Variants in PHF24 observed in about 807,000 individuals in gnomAD.
PHF24 encodes the protein PHD finger protein 24.
Under a neutral mutation model 42.6 loss-of-function variants are expected in PHF24, and 25 were observed. That is an observed-to-expected ratio of 0.59 (90% CI 0.43 to 0.82). The LOEUF is 0.82. PHF24 is among the 40% of genes least tolerant of loss of function. PHF24 has a pLI of 0.00. For missense variants in PHF24, 470 were observed against 538.1 expected (o/e 0.87, Z 1.25); for synonymous variants, 185 against 204.8 (o/e 0.90, Z 0.83).
chr9:34,790,825 G>A, the PHF24 span, among the ~76,000 whole-genome samples: 1 of 152,238 alleles, frequency 6.6e-6, no homozygotes, highest in African/African-American at 2.4e-5. Flanking sequence ...GAGGGAGAGA[G>A]CAATGCCAGT....
chr9:34,773,828 TC>T, the PHF24 span, among the ~76,000 whole-genome samples: 2 of 152,048 alleles, frequency 1.3e-5, no homozygotes, highest in Non-Finnish European at 2.9e-5. Flanking sequence ...ACAAGGAATA[TC>T]TAATAAACTG....
At chr9:34,965,987 A>C (rs934316981) in intron 1 of PHF24, among the ~76,000 whole-genome samples, 1 of 152,136 alleles carries the variant, frequency 6.6e-6, no homozygotes, top group Non-Finnish European at 1.5e-5. Context: ...CTGTTCCCTA[A>C]AACTTGTGAT....
At chr9:34,757,921 G>T in the PHF24 span, among the ~76,000 whole-genome samples, 3 of 152,138 alleles carry the variant, frequency 2.0e-5, no homozygotes, top group African/African-American at 7.2e-5. Flanking sequence ...ATGTGTGGTT[G>T]CTCAGTCTGC....
At chr9:34,710,075 TAG>T in the PHF24 span, 1 of 1,612,912 alleles carries the variant, frequency 6.2e-7, no homozygotes, top group Non-Finnish European at 8.5e-7. Flanking sequence ...ATGTCTGTGG[TAG>T]AGGGTGAGTA....
intron 7 of PHF24, 67 bp from the exon 8 acceptor site, chr9:34,977,947 GC>G: frequency 8.2e-7 from 1 of 1,224,262 alleles, no homozygotes; most frequent in Non-Finnish European, 1.2e-6. Context: ...AAGCCATGCT[GC>G]CCCTGGGATC....
the PHF24 span, among the ~76,000 whole-genome samples, chr9:34,818,701 T>C: frequency 6.6e-6 from 1 of 152,216 alleles, no homozygotes; most frequent in Admixed American, 6.5e-5. Flanking sequence ...GGCTCATTTC[T>C]GTAATCTCAG....
the PHF24 span, chr9:34,917,220 G>GGATA: frequency 7.0e-7 from 1 of 1,419,758 alleles, no homozygotes; most frequent in Non-Finnish European, 9.9e-7. Context: ...CATCAAGCAG[G>GGATA]TGTACATATC....
the PHF24 span, chr9:34,729,568 G>A: frequency 1.2e-6 from 1 of 821,746 alleles, no homozygotes; most frequent in Non-Finnish European, 1.8e-6. Context: ...GCATCACAAA[G>A]CCCTCCTGTT....
the PHF24 span, chr9:34,709,743 A>G: frequency 6.2e-7 from 1 of 1,612,202 alleles, no homozygotes; most frequent in Non-Finnish European, 8.5e-7. Flanking sequence ...CCACCCCGTC[A>G]CCAGCCAGTA....
At chr9:34,828,911 T>TTATCTA in the PHF24 span, among the ~76,000 whole-genome samples, 3,687 of 143,446 alleles carry the variant, frequency 0.026, 67 homozygotes, top group South Asian at 0.046. Flanking sequence ...TTGCATGGTT[T>TTATCTA]TATCTATATC....
chr9:34,907,207 C>G, the PHF24 span, among the ~76,000 whole-genome samples: 1 of 152,156 alleles, frequency 6.6e-6, no homozygotes, highest in Non-Finnish European at 1.5e-5. Context: ...CCTTTGTTCC[C>G]GTGTAGCTCT....
intron 1 of PHF24, among the ~76,000 whole-genome samples, chr9:34,959,326 A>G (rs922098010): frequency 2.6e-5 from 4 of 152,246 alleles, no homozygotes; most frequent in African/African-American, 9.6e-5. Flanking sequence ...TAGGCAGTAT[A>G]CTAGGTATGT....
chr9:34,874,386 G>T, the PHF24 span, among the ~76,000 whole-genome samples: 1 of 152,036 alleles, frequency 6.6e-6, no homozygotes, highest in Admixed American at 6.6e-5. Context: ...GGTATTAATG[G>T]GACGTATCTC....
the PHF24 span, among the ~76,000 whole-genome samples, chr9:34,758,224 G>A: frequency 7.4e-4 from 112 of 152,276 alleles, no homozygotes; most frequent in African/African-American, 2.5e-3. This position sits in a 1 kb window ranked among gnomAD's most constrained non-coding sequence, Gnocchi z 4.4. Context: ...CTTGATAGCA[G>A]GCATGGAGCC....
the PHF24 span, chr9:34,838,469 A>G: frequency 2.3e-6 from 3 of 1,329,468 alleles, no homozygotes. Flanking sequence ...CCAACATCCC[A>G]CAGAACAAAA....
At chr9:34,894,294 G>C in the PHF24 span, 1 of 394,586 alleles carries the variant, frequency 2.5e-6, no homozygotes, top group African/African-American at 2.1e-5. Context: ...CCCTGCCCTG[G>C]TAACTCTCTC....
the PHF24 span, among the ~76,000 whole-genome samples, chr9:34,817,384 A>T: frequency 6.6e-6 from 1 of 152,096 alleles, no homozygotes; most frequent in South Asian, 2.1e-4. Flanking sequence ...AGCTGGGACT[A>T]CAGGTGCACA....
the PHF24 span, among the ~76,000 whole-genome samples, chr9:34,785,699 C>T: frequency 1.3e-5 from 2 of 152,170 alleles, no homozygotes; most frequent in Non-Finnish European, 1.5e-5. Flanking sequence ...TGTCAGGTCA[C>T]CATCCTCCCT....
the PHF24 span, among the ~76,000 whole-genome samples, chr9:34,765,516 T>C: frequency 6.7e-6 from 1 of 150,252 alleles, no homozygotes; most frequent in Non-Finnish European, 1.5e-5. Flanking sequence ...GAGACTAGGA[T>C]TGCAACCCCT....
Sources: gnomAD v4.1 joint callset for allele counts (sites outside exome capture counted in the v4.1 genomes callset) on GRCh38, gnomAD v4.1.1 for gene constraint, Gnocchi (gnomAD v3.1) non-coding constraint, MANE v1.5 for transcripts, NCBI Gene and HGNC (gene_info 2026-07-23, HGNC 2026-07-21) for gene names.